ABCA13: variants seen among roughly 807,000 people sequenced by gnomAD.
ABCA13 encodes the protein ATP binding cassette subfamily A member 13, also known as ATP-binding cassette sub-family A member 13.
In ABCA13, 476 loss-of-function variants were observed where a neutral mutation model predicts 478.7. The observed-to-expected ratio is 0.99, with a 90% CI of 0.92 to 1.07. The LOEUF (loss-of-function observed/expected upper bound fraction) is 1.07, where lower values mean the gene tolerates loss of function less well. Among genes scored for constraint, ABCA13 ranks in the 50% least tolerant of loss-of-function variants. The probability of loss-of-function intolerance (pLI) is 0.00; values close to 1 mark genes in which losing one functional copy is unlikely to be tolerated. For synonymous variants in ABCA13, 2,252 were observed against 2,158.9 expected (o/e 1.04, Z -1.20); for missense variants, 6,060 against 5,910.6 (o/e 1.03, Z -0.83).
At chr7:48,215,731 T>A (rs1045111768) in intron 3 of ABCA13, among the ~76,000 whole-genome samples, 4 of 152,206 alleles carry the variant, frequency 2.6e-5, no homozygotes, top group African/African-American at 9.6e-5. Flanking sequence ...AATCTAAATG[T>A]ATTAGCATAC....
At chr7:48,485,265 A>C (rs61346153) in intron 47 of ABCA13, among the ~76,000 whole-genome samples, 10,056 of 151,494 alleles carry the variant, frequency 0.066, 407 homozygotes, top group African/African-American at 0.11. Flanking sequence ...TACTTTTTGG[A>C]GGGGCTGTTA....
At chr7:48,495,043 CACAAA>C (rs1183431570) in intron 48 of ABCA13, among the ~76,000 whole-genome samples, 1 of 152,096 alleles carries the variant, frequency 6.6e-6, no homozygotes, top group Admixed American at 6.5e-5. Context: ...ATGAATCGAA[CACAAA>C]ACAAAACAAC....
chr7:48,341,597 T>C (rs1408422905), intron 29 of ABCA13, among the ~76,000 whole-genome samples: 6 of 151,930 alleles, frequency 3.9e-5, no homozygotes, highest in Admixed American at 2.0e-4. Context: ...CTCTCTCCTT[T>C]TTGCTTTTAA....
intron 27 of ABCA13, among the ~76,000 whole-genome samples, chr7:48,324,617 G>A (rs530149704): frequency 2.5e-4 from 38 of 152,150 alleles, no homozygotes; most frequent in Non-Finnish European, 4.4e-4. Context: ...TAGTAGCCCA[G>A]GGAGGCTAGT....
Position 48,594,698 on chromosome 7 carries a change from C to G in ABCA13, c.14641-12C>G. ...TTCAAATGCTGATTACTCTGTGTTG[C>G]CTTTCCTTCAGGATGAGCCCAGCTC... is the stretch of plus-strand genomic sequence containing the variant. On this transcript the variant is annotated splice_polypyrimidine_tract_variant and intron_variant, in intron 57 of 61. Transcript: ENST00000435803. 6.2e-7 allele frequency: 1 copy of G among 1,610,924 alleles called. No individual in the cohort carries two copies. The highest frequency in any genetic ancestry group is 8.5e-7 in the Non-Finnish European group (1 of 1,177,176).
At chr7:48,325,522 A>C (rs1408093892) in intron 27 of ABCA13, among the ~76,000 whole-genome samples, 1 of 152,120 alleles carries the variant, frequency 6.6e-6, no homozygotes, top group Non-Finnish European at 1.5e-5. Flanking sequence ...TGATCTTGAC[A>C]TATTGAAGAA....
intron 1 of ABCA13, among the ~76,000 whole-genome samples, chr7:48,181,681 C>T (rs528176091): frequency 8.6e-4 from 130 of 152,040 alleles, no homozygotes; most frequent in African/African-American, 3.0e-3. Flanking sequence ...TCTTTTTGGA[C>T]TTCCTATGCC....
intron 42 of ABCA13, among the ~76,000 whole-genome samples, chr7:48,445,639 C>T (rs1824198015): frequency 6.6e-6 from 1 of 152,146 alleles, no homozygotes; most frequent in South Asian, 2.1e-4. Context: ...CTTGCCAGAC[C>T]AAGTTACTTC....
intron 58 of ABCA13, among the ~76,000 whole-genome samples, chr7:48,595,408 A>G (rs1274130053): frequency 1.3e-5 from 2 of 152,256 alleles, no homozygotes; most frequent in African/African-American, 4.8e-5. Flanking sequence ...ATGATGTAAT[A>G]AAGACCAGGC....
intron 3 of ABCA13, among the ~76,000 whole-genome samples, chr7:48,218,318 C>G (rs1786803838): frequency 6.6e-6 from 1 of 152,062 alleles, no homozygotes; most frequent in South Asian, 2.1e-4. Flanking sequence ...AATATGAGGC[C>G]TCAGTAGAGA....
At chr7:48,618,490 C>T (rs202175865) in intron 59 of ABCA13, among the ~76,000 whole-genome samples, 2 of 152,102 alleles carry the variant, frequency 1.3e-5, no homozygotes, top group African/African-American at 2.4e-5. Flanking sequence ...GATCAGGAAA[C>T]GACTGCCTTT....
In ABCA13 at chr7:48,274,950, G is replaced by T; in HGVS notation, c.5284G>T (p.Gly1762Cys). ...HAVRLLQGVP[G>C]KNITEGLKDV... ...TGTAAGGCTCCTGCAGGGAGTACCT[G>T]GTAAAAACATCACTGAAGGCCTCAA... The change falls in exon 17 of 62, where the codon GGT (glycine) becomes TGT (cysteine). Residue 1762 changes from glycine (G) to cysteine (C), a missense_variant. Gly to Cys is a radical substitution (Grantham distance 159). This residue lies in a region of ABCA13 where 4,423 missense variants were observed against 4,309.1 expected (regional missense o/e 1.03). Transcript: ENST00000435803. 1 of 1,613,674 alleles carries T rather than the reference G, an allele frequency of 6.2e-7. No individual in the cohort carries two copies. The highest frequency in any genetic ancestry group is 8.5e-7 in the Non-Finnish European group (1 of 1,179,694).
rs776319362 is a variant in ABCA13, at chr7:48,279,277, T to A, written c.8083T>A (p.Tyr2695Asn). 3 of 1,588,584 alleles carry A rather than the reference T, an allele frequency of 1.9e-6. No individual in the cohort carries two copies. The Admixed American group carries it at 5.3e-5, about 28-fold the overall frequency. ...CATCACCAACCAAATGGACTTCTTATACCCTAATCCAATTTCCACTCATAG... is the reference window on the plus strand; with the variant it reads ...CATCACCAACCAAATGGACTTCTTAAACCCTAATCCAATTTCCACTCATAG... ...NNITNQMDFL[Y>N]PNPISTHSGP... Residue 2695 changes from tyrosine (Y) to asparagine (N), a missense_variant, in exon 18 of 62, where the codon TAC becomes AAC. This residue lies in a region of ABCA13 where 4,423 missense variants were observed against 4,309.1 expected (regional missense o/e 1.03). Coordinates refer to ENST00000435803, the MANE Select transcript of ABCA13 (RefSeq NM_152701.5).
chr7:48,469,161 T>C (rs1346201673), intron 44 of ABCA13, among the ~76,000 whole-genome samples: 1 of 152,168 alleles, frequency 6.6e-6, no homozygotes, highest in Non-Finnish European at 1.5e-5. Flanking sequence ...AAACGCCAAG[T>C]GGGGAGATGG....
At chr7:48,351,143 T>C (rs1373147197) in intron 30 of ABCA13, among the ~76,000 whole-genome samples, 1 of 152,236 alleles carries the variant, frequency 6.6e-6, no homozygotes, top group Admixed American at 6.5e-5. Flanking sequence ...CCATAAGTTA[T>C]ATTATTCCCG....
At chr7:48,249,778 C>T (rs1438051372) in intron 15 of ABCA13, among the ~76,000 whole-genome samples, 3 of 152,194 alleles carry the variant, frequency 2.0e-5, no homozygotes, top group Non-Finnish European at 4.4e-5. Flanking sequence ...CTGTTTTTCT[C>T]TATACACACA....
At chr7:48,433,869 GA>G (rs1398872290) in intron 42 of ABCA13, among the ~76,000 whole-genome samples, 2 of 152,042 alleles carry the variant, frequency 1.3e-5, no homozygotes, top group Non-Finnish European at 2.9e-5. Context: ...TTATAAGGCT[GA>G]ATAATATTCC....
chr7:48,623,635 A>G (rs750816732), intron 59 of ABCA13, among the ~76,000 whole-genome samples: 1 of 152,100 alleles, frequency 6.6e-6, no homozygotes, highest in South Asian at 2.1e-4. Context: ...GCTCCACCCA[A>G]TATATATATG....
chr7:48,218,325 G>C (rs1188253781), intron 3 of ABCA13, among the ~76,000 whole-genome samples: 1 of 152,156 alleles, frequency 6.6e-6, no homozygotes, highest in Non-Finnish European at 1.5e-5. Context: ...GGCCTCAGTA[G>C]AGAAGTAATT....
Sources: allele counts gnomAD v4.1 joint callset (sites outside exome capture counted in the v4.1 genomes callset), GRCh38; gene constraint gnomAD v4.1.1; regional missense constraint gnomAD v4.1.1; transcripts MANE v1.5; gene names NCBI Gene and HGNC (gene_info 2026-07-23, HGNC 2026-07-21).